The following ACHE variants were observed in gnomAD, a reference collection of about 807,000 sequenced individuals.
The protein encoded by ACHE is acetylcholinesterase (Yt blood group).
A neutral mutation model predicts 53.9 loss-of-function variants in ACHE; 19 were observed. The ratio of observed to expected loss-of-function variants is 0.35; its 90% CI spans 0.25 to 0.52. The LOEUF is 0.52. ACHE is among the 20% of genes least tolerant of loss of function. ACHE has a pLI of 0.95. For synonymous variants in ACHE, 392 were observed against 378.1 expected (o/e 1.04, Z -0.43); for missense variants, 605 against 849.4 (o/e 0.71, Z 3.58).
In ACHE at chr7:100,891,307, G is replaced by A; in HGVS notation, c.1585C>T (p.Pro529Ser). Residue 529 changes from proline to serine, a missense_variant, in exon 4 of 5, where the codon CCA (proline) becomes TCA (serine). Pro to Ser is a moderately conservative substitution (Grantham distance 74, BLOSUM62 -1). This residue lies in a region of ACHE where 91 missense variants were observed against 83.2 expected (regional missense o/e 1.09). Transcript: ENST00000241069. Reference sequence around the variant, plus strand: ...CCCGCCGTGTACGGGGGCCATTGTGGGGCCTTGGGGTCTCGGGGCTCATTG... The same window carrying A: ...CCCGCCGTGTACGGGGGCCATTGTGAGGCCTTGGGGTCTCGGGGCTCATTG... ...DPNEPRDPKA[P>S]QWPPYTAGAQ... 4 of 1,580,674 alleles carry A rather than the reference G, an allele frequency of 2.5e-6. No individual in the cohort carries two copies. Among genetic ancestry groups the A allele is most frequent in the Non-Finnish European group, 3.4e-6 (4 of 1,164,164 alleles).
intron 1 of ACHE, among the ~76,000 whole-genome samples, chr7:100,895,257 G>C (rs1403555885): frequency 6.6e-6 from 1 of 152,220 alleles, no homozygotes; most frequent in African/African-American, 2.4e-5. Context: ...GCCCTGAGCG[G>C]GGGGTGGTGG....
upstream of ACHE, chr7:100,896,534 A>G: frequency 4.8e-6 from 1 of 209,626 alleles, no homozygotes; most frequent in Non-Finnish European, 1.1e-5. Context: ...CTGGGGGAGG[A>G]AGGGGTGACT....
chr7:100,890,116 A>G lies in ACHE; in HGVS notation c.*98T>C. 6.8e-7 allele frequency: 1 copy of G among 1,466,406 alleles called. No homozygotes were observed. Among genetic ancestry groups the G allele is most frequent in the Non-Finnish European group, 9.2e-7 (1 of 1,087,152 alleles). The allele number at this position is 1,466,406 out of a possible 1,614,324, so 90.8% of individuals were successfully genotyped here. On this transcript the variant is annotated 3_prime_UTR_variant, in exon 5 of 5. Coordinates refer to ENST00000241069, the MANE Select transcript of ACHE (RefSeq NM_000665.5). The stretch of plus-strand genomic sequence containing the variant: ...GTCGGGGTGGGGTGGGGATGGGCAG[A>G]GTCTGGGGCTCGTCTGTGTTATAGC...
rs1030088138 is a variant in ACHE, at chr7:100,892,105, G to A, written c.1553+229C>T. 2.6e-5 allele frequency among the ~76,000 whole-genome samples: 4 copies of A among 151,324 alleles called. No individual in the cohort carries two copies. Among genetic ancestry groups the A allele is most frequent in the African/African-American group, 7.3e-5 (3 of 41,130 alleles). On this transcript the variant is annotated intron_variant, in intron 3 of 4. Coordinates refer to ENST00000241069, the MANE Select transcript of ACHE (RefSeq NM_000665.5). This position sits in a 1 kb window ranked among gnomAD's most constrained non-coding sequence, Gnocchi z 5.2. ...GCCCCGCCCCCTCCATGTCTACCTC[G>A]TCTCCTCCTCACTTTCCTTTGCCTC... is the stretch of plus-strand genomic sequence containing the variant.
In ACHE at chr7:100,893,676, G is replaced by A. The variant is rs1790836965; in HGVS notation, c.557C>T (p.Ala186Val). ...VLVSMNYRVG[A>V]FGFLALPGSR... ...CCCCGGCAGGGCCAGGAAGCCAAAG[G>A]CTCCCACCCGGTAGTTCATGGACAC... Residue 186 changes from alanine to valine, a missense_variant, in exon 2 of 5, where the codon GCC (alanine) becomes GTC (valine). By Grantham distance (64) the Ala-to-Val change is moderately conservative (BLOSUM62 0). Coordinates refer to ENST00000241069, the MANE Select transcript of ACHE (RefSeq NM_000665.5). 6.2e-7 allele frequency: 1 copy of A among 1,613,212 alleles called. No individual in the cohort carries two copies.
rs1790983639 is a variant in ACHE at position 100,895,373 on chromosome 7, G to A, written c.-21+429C>T. ...ATAGAGATGGAGTCTCCGCGGGAGGGGGCGTCCTGGGCCTCGGAGGGGGCC... is the reference window on the plus strand; with the variant it reads ...ATAGAGATGGAGTCTCCGCGGGAGGAGGCGTCCTGGGCCTCGGAGGGGGCC... On this transcript the variant is annotated intron_variant, in intron 1 of 4. Coordinates refer to ENST00000241069, the MANE Select transcript of ACHE (RefSeq NM_000665.5). 2.0e-5 allele frequency among the ~76,000 whole-genome samples: 3 copies of A among 152,218 alleles called. No homozygotes were observed. The South Asian group carries it at 6.2e-4, about 32-fold the overall frequency.
Position 100,893,703 on chromosome 7 carries a change from A to AT in ACHE, c.529_530insA (p.Leu177HisfsTer48). On this transcript the variant is annotated frameshift_variant, in exon 2 of 5. Transcript: ENST00000241069. LOFTEE classifies it high-confidence loss of function. ...TCCCACCCGGTAGTTCATGGACACCAGCACAGTCCTCTCGGCCTGTACCAA... is the reference window on the plus strand; with the variant it reads ...TCCCACCCGGTAGTTCATGGACACCATGCACAGTCCTCTCGGCCTGTACCAA... 6.2e-7 allele frequency: 1 copy of AT among 1,613,536 alleles called. No homozygotes were observed. The highest frequency in any genetic ancestry group is 1.1e-5 in the South Asian group (1 of 91,086).
At position 100,892,950 on chromosome 7, in the gene ACHE, G is replaced by C; in HGVS notation, c.1069-132C>G. ...CCGGAACCATGGACAGAGAGAGGACGAGATCAGGGGAGGGATGCAGAGAAA... is the reference window on the plus strand; with the variant it reads ...CCGGAACCATGGACAGAGAGAGGACCAGATCAGGGGAGGGATGCAGAGAAA... On this transcript the variant is annotated intron_variant, in intron 2 of 4. Coordinates refer to ENST00000241069, the MANE Select transcript of ACHE (RefSeq NM_000665.5). This position sits in a 1 kb window ranked among gnomAD's most constrained non-coding sequence, Gnocchi z 5.2. 2.3e-6 allele frequency: 3 copies of C among 1,276,778 alleles called. No individual in the cohort carries two copies. Among genetic ancestry groups the C allele is most frequent in the Non-Finnish European group, 3.2e-6 (3 of 948,546 alleles). 79.1% of individuals were successfully genotyped at this position (1,276,778 alleles called of 1,614,324 possible).
chr7:100,895,349 T>C (rs1433945062), intron 1 of ACHE, among the ~76,000 whole-genome samples: 1 of 151,612 alleles, frequency 6.6e-6, no homozygotes, highest in Non-Finnish European at 1.5e-5. Flanking sequence ...TCCCAAAAAA[T>C]AGAGATGGAG....
chr7:100,891,930 G>C (rs1038346027), intron 3 of ACHE, among the ~76,000 whole-genome samples: 1 of 151,864 alleles, frequency 6.6e-6, no homozygotes, highest in East Asian at 1.9e-4. Context: ...AGAGGCACGA[G>C]CCACCGTGCC....
intron 1 of ACHE, among the ~76,000 whole-genome samples, chr7:100,895,033 G>A (rs909227849): frequency 6.6e-6 from 1 of 152,172 alleles, no homozygotes; most frequent in African/African-American, 2.4e-5. Context: ...CTTGGGGAGG[G>A]GGCCTGGGGG....
intron 4 of ACHE, 108 bp downstream of exon 4, chr7:100,891,061 C>T: frequency 6.7e-7 from 1 of 1,499,332 alleles, no homozygotes; most frequent in Non-Finnish European, 8.9e-7. Flanking sequence ...ATGGGTGAAG[C>T]CTGGGCAGGT....
At chr7:100,891,366 A>C in intron 3 of ACHE, 28 bp from the exon 4 acceptor site, 1 of 1,501,664 alleles carries the variant, frequency 6.7e-7, no homozygotes, top group Non-Finnish European at 8.8e-7. Flanking sequence ...GGCTCAGTCC[A>C]GACGGGCAGT....
upstream of ACHE, chr7:100,896,821 G>C (rs1029606180): frequency 4.9e-6 from 1 of 205,878 alleles, no homozygotes; most frequent in Non-Finnish European, 1.1e-5. Flanking sequence ...ATTGCCCCCC[G>C]CCCCGCCCTC....
rs1157134252 is a variant in ACHE at position 100,890,348 on chromosome 7, C to T, written c.1724-13G>A. The T allele has an allele frequency of 6.2e-7, 1 of 1,600,686 alleles. No homozygotes were observed. Among genetic ancestry groups the T allele is most frequent in the East Asian group, 2.3e-5 (1 of 44,376 alleles). ...TCGTCGAGCGTGTCTGCGGCCAGGG[C>T]GCCCAGCGAGGCGGGAGGGGAGGAC... is the stretch of plus-strand genomic sequence containing the variant. On this transcript the variant is annotated splice_polypyrimidine_tract_variant and intron_variant, in intron 4 of 4. Coordinates refer to ENST00000241069, the MANE Select transcript of ACHE (RefSeq NM_000665.5).
At position 100,893,273 on chromosome 7, in the gene ACHE, C is replaced by G; in HGVS notation, c.960G>C (p.Leu320=). ...AGAACCGGAAGACGCTTTCTTGAGGCAGCACGTGCCATTCGTGGTTCACCA... is the reference window on the plus strand; with the variant it reads ...AGAACCGGAAGACGCTTTCTTGAGGGAGCACGTGCCATTCGTGGTTCACCA... ...QVLVNHEWHV[L]PQESVFRFSF... Residue 320 remains leucine, a synonymous_variant, in exon 2 of 5, where the codon CTG becomes CTC. Transcript: ENST00000241069. The G allele has an allele frequency of 1.2e-6, 2 of 1,614,036 alleles. No individual in the cohort carries two copies. The highest frequency in any genetic ancestry group is 8.5e-7 in the Non-Finnish European group (1 of 1,180,014).
chr7:100,893,052 T>C, intron 2 of ACHE, 113 bp downstream of exon 2: 1 of 1,312,094 alleles, frequency 7.6e-7, no homozygotes, highest in Non-Finnish European at 1.1e-6. Flanking sequence ...GGAGGACTTC[T>C]GGGACTTCTG....
chr7:100,891,584 C>G (rs1790701041), intron 3 of ACHE, among the ~76,000 whole-genome samples: 1 of 152,128 alleles, frequency 6.6e-6, no homozygotes. Flanking sequence ...GCTAGGATGT[C>G]TTGAGACTTT....
Position 100,891,315 on chromosome 7 carries a change from G to C in ACHE, c.1577C>G (p.Pro526Arg), listed in dbSNP as rs1394666872. Residue 526 changes from proline to arginine, a missense_variant, in exon 4 of 5, where the codon CCC becomes CGC. Physicochemically the swap from Pro to Arg is moderately radical, Grantham distance 103. This residue lies in a region of ACHE where 91 missense variants were observed against 83.2 expected (regional missense o/e 1.09). Transcript: ENST00000241069. ...GTACGGGGGCCATTGTGGGGCCTTGGGGTCTCGGGGCTCATTGGGATCCCT... is the reference window on the plus strand; with the variant it reads ...GTACGGGGGCCATTGTGGGGCCTTGCGGTCTCGGGGCTCATTGGGATCCCT... ...RTGDPNEPRD[P>R]KAPQWPPYTA... The C allele has an allele frequency of 6.3e-7, 1 of 1,575,096 alleles. No homozygotes were observed. The highest frequency in any genetic ancestry group is 1.1e-5 in the South Asian group (1 of 88,704).
Sources: allele counts gnomAD v4.1 joint callset (sites outside exome capture counted in the v4.1 genomes callset), GRCh38; gene constraint gnomAD v4.1.1; regional missense constraint gnomAD v4.1.1; non-coding constraint Gnocchi (gnomAD v3.1); transcripts MANE v1.5; gene names NCBI Gene and HGNC (gene_info 2026-07-23, HGNC 2026-07-21).